THSD7A: variants seen among roughly 807,000 people sequenced by gnomAD.
THSD7A encodes the protein thrombospondin type 1 domain containing 7A, also known as thrombospondin type-1 domain-containing protein 7A.
THSD7A carries 96 observed loss-of-function variants against 231.3 expected under a neutral mutation model. That is an observed-to-expected ratio of 0.41 (90% CI 0.35 to 0.49). THSD7A has a LOEUF of 0.49. Ranked by LOEUF, THSD7A falls within the 20% of genes least tolerant of loss-of-function variation. THSD7A has a pLI of 0.05. For synonymous variants in THSD7A, 940 were observed against 743.3 expected, an observed-to-expected ratio of 1.26 and a Z score of -4.30; for missense variants, 2,290 against 2,070.2, an observed-to-expected ratio of 1.11 and a Z score of -2.06.
At chr7:11,790,954 T>C (rs2128177953) in intron 1 of THSD7A, among the ~76,000 whole-genome samples, 1 of 152,078 alleles carries the variant, frequency 6.6e-6, no homozygotes. Flanking sequence ...AAATCCGTTA[T>C]AGAGATCCCT....
chr7:11,469,678 G>A (rs775613990), intron 9 of THSD7A, among the ~76,000 whole-genome samples: 4 of 152,048 alleles, frequency 2.6e-5, no homozygotes, highest in Non-Finnish European at 4.4e-5. Flanking sequence ...TTCAAGCCAG[G>A]TTTTGGCATA....
chr7:11,538,390 A>G (rs1562697403), intron 6 of THSD7A, among the ~76,000 whole-genome samples: 1 of 152,156 alleles, frequency 6.6e-6, no homozygotes, highest in Non-Finnish European at 1.5e-5. Flanking sequence ...ACAATATTTG[A>G]TTTACACTCT....
chr7:11,583,923 T>A (rs939615801), intron 4 of THSD7A, among the ~76,000 whole-genome samples: 4 of 152,188 alleles, frequency 2.6e-5, no homozygotes, highest in African/African-American at 9.6e-5. Flanking sequence ...GTGAGTCTTA[T>A]TTTTCTCCTA....
intron 6 of THSD7A, among the ~76,000 whole-genome samples, chr7:11,512,247 A>T (rs547197703): frequency 5.9e-5 from 9 of 152,300 alleles, no homozygotes; most frequent in African/African-American, 2.2e-4. Context: ...ACCACCTCAC[A>T]CAAGTTAGAA....
chr7:11,722,027 C>T (rs888422680), intron 1 of THSD7A, among the ~76,000 whole-genome samples: 1 of 151,884 alleles, frequency 6.6e-6, no homozygotes, highest in Non-Finnish European at 1.5e-5. Flanking sequence ...CTCAACTTTT[C>T]ACTCATTGTG....
intron 6 of THSD7A, among the ~76,000 whole-genome samples, chr7:11,510,963 G>C (rs1167037470): frequency 6.6e-6 from 1 of 150,670 alleles, no homozygotes; most frequent in Non-Finnish European, 1.5e-5. Flanking sequence ...CAAATAAAGG[G>C]TATTCAATTA....
chr7:11,445,428 G>A (rs1387399991), intron 13 of THSD7A, among the ~76,000 whole-genome samples: 3 of 151,998 alleles, frequency 2.0e-5, no homozygotes, highest in South Asian at 2.1e-4. Flanking sequence ...TAATTGCTGC[G>A]TTTTTCCTTT....
At chr7:11,425,943 G>A (rs1295877470) in intron 15 of THSD7A, among the ~76,000 whole-genome samples, 1 of 151,788 alleles carries the variant, frequency 6.6e-6, no homozygotes, top group Non-Finnish European at 1.5e-5. Flanking sequence ...TCTCAAAGAG[G>A]AATAAAAAAA....
chr7:11,805,078 T>C (rs934519798), intron 1 of THSD7A, among the ~76,000 whole-genome samples: 3 of 152,112 alleles, frequency 2.0e-5, no homozygotes, highest in Non-Finnish European at 4.4e-5. Flanking sequence ...ATGTCTAGAG[T>C]TGTCACCATA....
chr7:11,581,852 G>A (rs1190245314), intron 4 of THSD7A, among the ~76,000 whole-genome samples: 3 of 151,920 alleles, frequency 2.0e-5, no homozygotes, highest in Admixed American at 2.0e-4. Context: ...ACCATGCTTT[G>A]TATATAAAGT....
intron 6 of THSD7A, among the ~76,000 whole-genome samples, chr7:11,533,291 T>C (rs62432827): frequency 0.029 from 4,453 of 152,082 alleles, 132 homozygotes; most frequent in African/African-American, 0.057. Flanking sequence ...CCATTTCTTA[T>C]GGAAAAGGAA....
chr7:11,572,506 T>C (rs922620729), intron 4 of THSD7A, among the ~76,000 whole-genome samples: 1 of 152,118 alleles, frequency 6.6e-6, no homozygotes, highest in Non-Finnish European at 1.5e-5. Context: ...TTTGAACATA[T>C]GTTTAGTAGT....
At position 11,372,689 on chromosome 7, in the gene THSD7A, C is replaced by G. The variant is rs564841409; in HGVS notation, c.*3105G>C. On this transcript the variant is annotated 3_prime_UTR_variant, in exon 28 of 28. Coordinates refer to ENST00000423059, the MANE Select transcript of THSD7A (RefSeq NM_015204.3). ...AAAAACCAAACAACAGACCTTCATT[C>G]TAGGGAACAGCAGTTCTACATCTTT... The G allele has an allele frequency of 2.0e-5, 3 of 151,950 alleles. No individual in the cohort carries two copies. The highest frequency in any genetic ancestry group is 4.4e-5 in the Non-Finnish European group (3 of 67,964). The allele number at this position is 151,950 out of a possible 1,614,324, so 9.4% of individuals were successfully genotyped here.
At chr7:11,457,725 C>T (rs1426171166) in intron 11 of THSD7A, among the ~76,000 whole-genome samples, 1 of 152,084 alleles carries the variant, frequency 6.6e-6, no homozygotes, top group African/African-American at 2.4e-5. Flanking sequence ...CTTCAGAGCT[C>T]AATCCACCCA....
chr7:11,613,901 T>C (rs1010129635), intron 2 of THSD7A, among the ~76,000 whole-genome samples: 1 of 152,198 alleles, frequency 6.6e-6, no homozygotes, highest in Non-Finnish European at 1.5e-5. Context: ...CTTTTCTCAG[T>C]CATGATGTCC....
intron 6 of THSD7A, among the ~76,000 whole-genome samples, chr7:11,529,806 T>C (rs1788628154): frequency 6.6e-6 from 1 of 152,178 alleles, no homozygotes; most frequent in East Asian, 1.9e-4. Flanking sequence ...AGCAATAAAA[T>C]TCTTATCTGT....
At chr7:11,526,790 T>C (rs1462763502) in intron 6 of THSD7A, among the ~76,000 whole-genome samples, 1 of 152,156 alleles carries the variant, frequency 6.6e-6, no homozygotes. Flanking sequence ...GTGAGGCCTC[T>C]TCAGGTATGT....
intron 9 of THSD7A, 39 bp from the exon 10 acceptor site, chr7:11,462,182 T>A (rs375617374): frequency 1.9e-6 from 3 of 1,605,340 alleles, no homozygotes; most frequent in Non-Finnish European, 2.6e-6. Context: ...TACTTTACAC[T>A]GATGAGATAA....
intron 1 of THSD7A, among the ~76,000 whole-genome samples, chr7:11,670,225 T>C (rs1485286727): frequency 6.6e-6 from 1 of 152,102 alleles, no homozygotes; most frequent in Non-Finnish European, 1.5e-5. Context: ...GGAAACCTAG[T>C]TTTACACCAG....
Sources: gnomAD v4.1 joint callset for allele counts (sites outside exome capture counted in the v4.1 genomes callset) on GRCh38, gnomAD v4.1.1 for gene constraint, MANE v1.5 for transcripts, NCBI Gene and HGNC (gene_info 2026-07-23, HGNC 2026-07-21) for gene names.